Variants in OCA2 observed in about 807,000 individuals in gnomAD.
OCA2 encodes OCA2 melanosomal transmembrane protein.
In OCA2, 77 loss-of-function variants were observed where a neutral mutation model predicts 100.2. That is an observed-to-expected ratio of 0.77 (90% confidence interval 0.64 to 0.93). OCA2 has a LOEUF of 0.93. Ranked by LOEUF, OCA2 falls within the 40% of genes least tolerant of loss-of-function variation. The pLI, the probability that OCA2 is intolerant of heterozygous loss-of-function variation, is 0.00. For synonymous variants in OCA2, 432 were observed against 439.2 expected (o/e 0.98, Z 0.21); for missense variants, 1,062 against 1,089.1 (o/e 0.98, Z 0.35).
intron 2 of OCA2, among the ~76,000 whole-genome samples, chr15:28,045,379 G>A (rs2043318695): frequency 6.6e-6 from 1 of 152,164 alleles, no homozygotes; most frequent in South Asian, 2.1e-4. Flanking sequence ...AGAAGAGTGT[G>A]CTTCCATTTC....
At chr15:27,839,176 C>T (rs925231726) in intron 23 of OCA2, among the ~76,000 whole-genome samples, 8 of 151,824 alleles carry the variant, frequency 5.3e-5, no homozygotes, top group South Asian at 4.2e-4. Context: ...TAAAAGACTA[C>T]GTAAGAAAAC....
chr15:27,896,622 A>G (rs2037700611), intron 19 of OCA2: 1 of 203,660 alleles, frequency 4.9e-6, no homozygotes, highest in African/African-American at 2.6e-5. Flanking sequence ...GATGAAGATC[A>G]TAAACTTATT....
chr15:27,766,459 GTC>G (rs2151012544), intron 23 of OCA2, among the ~76,000 whole-genome samples: 1 of 152,172 alleles, frequency 6.6e-6, no homozygotes, highest in South Asian at 2.1e-4. Flanking sequence ...ACACCGCCTT[GTC>G]TCTCTCTCCC....
At chr15:27,817,407 A>G (rs891829944) in intron 23 of OCA2, among the ~76,000 whole-genome samples, 1 of 152,196 alleles carries the variant, frequency 6.6e-6, no homozygotes, top group African/African-American at 2.4e-5. Flanking sequence ...TGCTCTACAA[A>G]TAACAACTTG....
At chr15:27,776,298 T>C (rs576487917) in intron 23 of OCA2, among the ~76,000 whole-genome samples, 1 of 152,246 alleles carries the variant, frequency 6.6e-6, no homozygotes, top group East Asian at 1.9e-4. Context: ...CATCTCTTCT[T>C]CCCTCCCTCC....
At chr15:27,966,629 G>A (rs2040575198) in intron 15 of OCA2, 61 bp downstream of exon 15, 1 of 1,596,590 alleles carries the variant, frequency 6.3e-7, no homozygotes, top group African/African-American at 1.3e-5. Context: ...ACTTCTCCTG[G>A]TAAACAAACA....
At chr15:27,952,234 G>A (rs138155605) in intron 17 of OCA2, among the ~76,000 whole-genome samples, 118 of 152,302 alleles carry the variant, frequency 7.7e-4, no homozygotes, top group Non-Finnish European at 1.2e-3. Context: ...GCATGCGGGT[G>A]GGGCCATGAG....
chr15:28,083,130 G>A (rs2044705528), intron 1 of OCA2, among the ~76,000 whole-genome samples: 1 of 152,168 alleles, frequency 6.6e-6, no homozygotes. Context: ...CTAATCGCCT[G>A]TTTCACATAC....
At chr15:27,963,195 G>A (rs1595726295) in intron 15 of OCA2, among the ~76,000 whole-genome samples, 1 of 152,166 alleles carries the variant, frequency 6.6e-6, no homozygotes. Flanking sequence ...AGACACGTCT[G>A]TATCCATCTC....
intron 17 of OCA2, 78 bp downstream of exon 17, chr15:27,955,080 T>C (rs2040174618): frequency 2.0e-6 from 2 of 1,008,904 alleles, no homozygotes; most frequent in Non-Finnish European, 3.2e-6. Flanking sequence ...TTCAGTCACG[T>C]GAGGGAAGGA....
chr15:27,849,412 A>G (rs992935379), intron 22 of OCA2, among the ~76,000 whole-genome samples: 19 of 152,188 alleles, frequency 1.2e-4, no homozygotes, highest in Admixed American at 1.2e-3. Flanking sequence ...ACACCTTAGC[A>G]CGTGCACTTG....
chr15:27,963,665 A>G (rs2040475824), intron 15 of OCA2, among the ~76,000 whole-genome samples: 1 of 152,260 alleles, frequency 6.6e-6, no homozygotes, highest in Admixed American at 6.5e-5. Flanking sequence ...TTAGAAAATA[A>G]GATGCACATA....
chr15:27,995,359 T>C (rs2041688059), intron 9 of OCA2, among the ~76,000 whole-genome samples: 1 of 152,162 alleles, frequency 6.6e-6, no homozygotes, highest in South Asian at 2.1e-4. Flanking sequence ...ACATATTAGG[T>C]CACAAACAAG....
intron 6 of OCA2, among the ~76,000 whole-genome samples, chr15:28,018,946 T>A (rs549339474): frequency 1.6e-4 from 24 of 152,274 alleles, no homozygotes; most frequent in Admixed American, 1.4e-3. Context: ...ACCCCACTCT[T>A]CATCAAACCT....
At chr15:28,050,127 T>A (rs1003735719) in intron 2 of OCA2, among the ~76,000 whole-genome samples, 6 of 147,326 alleles carry the variant, frequency 4.1e-5, no homozygotes, top group Non-Finnish European at 6.0e-5. Context: ...GAAAAAAAAA[T>A]GTTAAAAGTT....
At chr15:28,081,090 C>T (rs1023486444) in intron 2 of OCA2, among the ~76,000 whole-genome samples, 2 of 152,106 alleles carry the variant, frequency 1.3e-5, no homozygotes, top group Non-Finnish European at 1.5e-5. Flanking sequence ...ACTCGGACCA[C>T]ACAGGGGCGG....
At position 27,993,508 on chromosome 15, in the gene OCA2, T is replaced by C. The variant is rs190383015; in HGVS notation, c.1045-2861A>G. On this transcript the variant is annotated intron_variant, in intron 9 of 23. Transcript: ENST00000354638. ...AGCCCTCAGCTCTGGAGGAGGTCCG[T>C]GGACATCATGAAATCATGAGTCCTA... Among the ~76,000 whole-genome samples, 468 of 152,290 alleles carry C rather than the reference T, an allele frequency of 3.1e-3. 10 individuals carry two copies. The highest frequency in any genetic ancestry group is 0.024 in the Admixed American group (373 of 15,286).
intron 9 of OCA2, among the ~76,000 whole-genome samples, chr15:28,002,958 A>T (rs965657817): frequency 3.3e-5 from 5 of 152,230 alleles, no homozygotes; most frequent in Admixed American, 3.3e-4. Context: ...AGAACAATAG[A>T]TCCCAGAGCT....
intron 18 of OCA2, among the ~76,000 whole-genome samples, chr15:27,941,939 A>G (rs1394085708): frequency 2.0e-5 from 3 of 152,210 alleles, no homozygotes; most frequent in African/African-American, 4.8e-5. Flanking sequence ...AGGAAATGCA[A>G]ATCAAAGCTG....
Sources: gnomAD v4.1 joint callset for allele counts (sites outside exome capture counted in the v4.1 genomes callset) on GRCh38, gnomAD v4.1.1 for gene constraint, MANE v1.5 for transcripts, NCBI Gene and HGNC (gene_info 2026-07-23, HGNC 2026-07-21) for gene names.